The following PIAS1 variants were observed in gnomAD, a reference collection of about 807,000 sequenced individuals.
The protein encoded by PIAS1 is protein inhibitor of activated STAT 1, also known as E3 SUMO-protein ligase PIAS1.
A neutral mutation model predicts 71.3 loss-of-function variants in PIAS1; 6 were observed. The observed-to-expected ratio is 0.08, with a 90% CI of 0.05 to 0.17. The LOEUF is 0.17. PIAS1 is among the 10% of genes least tolerant of loss of function. The pLI, the probability that PIAS1 is intolerant of heterozygous loss-of-function variation, is 1.00. For synonymous variants in PIAS1, 303 were observed against 292.9 expected, an observed-to-expected ratio of 1.03 and a Z score of -0.35; for missense variants, 555 against 793.6, an observed-to-expected ratio of 0.70 and a Z score of 3.61.
At chr15:68,151,381 T>C (rs1378050893) in intron 6 of PIAS1, among the ~76,000 whole-genome samples, 2 of 152,100 alleles carry the variant, frequency 1.3e-5, no homozygotes, top group African/African-American at 2.4e-5. Flanking sequence ...TAAATATTTA[T>C]ATAAAGCCTT....
chr15:68,127,381 T>A (rs2092658292), intron 2 of PIAS1, among the ~76,000 whole-genome samples: 1 of 152,196 alleles, frequency 6.6e-6, no homozygotes. Flanking sequence ...TCTGATAACT[T>A]CATAAGCAGG....
intron 2 of PIAS1, among the ~76,000 whole-genome samples, chr15:68,110,154 C>T (rs760253430): frequency 2.6e-5 from 4 of 151,788 alleles, no homozygotes; most frequent in East Asian, 3.9e-4. Flanking sequence ...TTGGTATGTC[C>T]GCTAAGAATT....
At position 68,178,102 on chromosome 15, in the gene PIAS1, C is replaced by T. The variant is rs1312945438; in HGVS notation, c.1481+1448C>T. Among the ~76,000 whole-genome samples, 1 of 152,126 alleles carries T rather than the reference C, an allele frequency of 6.6e-6. No homozygotes were observed. The highest frequency in any genetic ancestry group is 1.9e-4 in the East Asian group (1 of 5,190). ...GACCAGCCTGGGCAACATGGTAAAA[C>T]CCTGTCTCTACCAAAAAATTAGCTG... On this transcript the variant is annotated intron_variant, in intron 11 of 13. Transcript: ENST00000249636. This position sits in a 1 kb window ranked among gnomAD's most constrained non-coding sequence, Gnocchi z 4.2.
chr15:68,098,969 C>G (rs937011942), intron 2 of PIAS1, among the ~76,000 whole-genome samples: 1 of 152,040 alleles, frequency 6.6e-6, no homozygotes, highest in Non-Finnish European at 1.5e-5. Context: ...GGTGTGTTTG[C>G]TAATTTATAA....
intron 2 of PIAS1, among the ~76,000 whole-genome samples, chr15:68,117,950 A>C (rs564570698): frequency 2.0e-5 from 3 of 152,334 alleles, no homozygotes; most frequent in African/African-American, 7.2e-5. Flanking sequence ...TAATGACTGT[A>C]CTAATTAACA....
chr15:68,123,603 A>G (rs1238635994), intron 2 of PIAS1, among the ~76,000 whole-genome samples: 1 of 152,170 alleles, frequency 6.6e-6, no homozygotes, highest in African/African-American at 2.4e-5. Context: ...ATGGAATACC[A>G]TGGAGACTAT....
intron 1 of PIAS1, among the ~76,000 whole-genome samples, chr15:68,074,616 T>C (rs2092137471): frequency 6.6e-6 from 1 of 152,240 alleles, no homozygotes; most frequent in East Asian, 1.9e-4. Flanking sequence ...ATAAACCTCA[T>C]ATTTTATTTC....
intron 2 of PIAS1, among the ~76,000 whole-genome samples, chr15:68,100,382 C>G (rs1306168900): frequency 1.3e-5 from 2 of 152,162 alleles, no homozygotes; most frequent in African/African-American, 4.8e-5. Flanking sequence ...TCCTGTCACC[C>G]ACAAGACTCC....
rs2141119845 is a variant in PIAS1 at position 68,193,368 on chromosome 15, C to CA, written c.*5534dup. The stretch of plus-strand genomic sequence containing the variant: ...GCATGTGTTTTCACTCTAGTGTTTT[C>CA]ACTCTACACTCTGTGTTTATGAATG... On this transcript the variant is annotated 3_prime_UTR_variant, in exon 14 of 14. Transcript: ENST00000249636. 6.6e-6 allele frequency: 1 copy of CA among 152,214 alleles called. No individual in the cohort carries two copies. The highest frequency in any genetic ancestry group is 2.1e-4 in the South Asian group (1 of 4,820). 9.4% of individuals were successfully genotyped at this position (152,214 alleles called of 1,614,324 possible). A position where few individuals can be genotyped will look rare whatever the true frequency, so the allele number is the denominator to read the frequency against.
intron 8 of PIAS1, among the ~76,000 whole-genome samples, chr15:68,165,787 A>G (rs2092953828): frequency 1.3e-5 from 2 of 152,268 alleles, no homozygotes; most frequent in South Asian, 4.1e-4. Context: ...TTAATAATTA[A>G]TTACCTTGAC....
At chr15:68,147,005 C>A (rs1303359034) in intron 6 of PIAS1, among the ~76,000 whole-genome samples, 1 of 152,082 alleles carries the variant, frequency 6.6e-6, no homozygotes, top group African/African-American at 2.4e-5. Context: ...TTTGCCTGTT[C>A]CCTACTATTG....
intron 2 of PIAS1, among the ~76,000 whole-genome samples, chr15:68,125,588 G>A (rs775142223): frequency 2.6e-5 from 4 of 152,178 alleles, no homozygotes; most frequent in Non-Finnish European, 5.9e-5. Flanking sequence ...TTGGCTGGGT[G>A]TAGACTTCAA....
At chr15:68,089,851 C>T (rs566354433) in intron 2 of PIAS1, among the ~76,000 whole-genome samples, 102 of 151,722 alleles carry the variant, frequency 6.7e-4, no homozygotes, top group African/African-American at 2.3e-3. Context: ...CCACTGCACC[C>T]GGCCTCATAA....
At position 68,102,685 on chromosome 15, in the gene PIAS1, A is replaced by G. The variant is rs4566143; in HGVS notation, c.469+15935A>G. Among the ~76,000 whole-genome samples, 725 of 152,116 alleles carry G rather than the reference A, an allele frequency of 4.8e-3. 6 individuals carry two copies. The highest frequency in any genetic ancestry group is 0.016 in the African/African-American group (668 of 41,514). ...TGTTTTGTTAGACCTGTACTTAAAT[A>G]TTTTGTTTTTTTCTGAGTGATTATA... is the stretch of plus-strand genomic sequence containing the variant. On this transcript the variant is annotated intron_variant, in intron 2 of 13. Transcript: ENST00000249636.
intron 6 of PIAS1, 37 bp downstream of exon 6, chr15:68,146,737 A>G: frequency 6.5e-7 from 1 of 1,533,054 alleles, no homozygotes; most frequent in Non-Finnish European, 9.0e-7. Context: ...TTTTTGTATT[A>G]TAAGGAGGGG....
chr15:68,086,619 T>G lies in PIAS1; in HGVS notation c.338T>G (p.Leu113Arg). Residue 113 changes from leucine (L) to arginine (R), a missense_variant, in exon 2 of 14, where the codon CTT becomes CGT. Around this residue, in one of 5 missense-constraint regions of PIAS1, gnomAD observed 80 missense variants for 66.9 expected, o/e 1.20. Transcript: ENST00000249636. This position sits in a 1 kb window ranked among gnomAD's most constrained non-coding sequence, Gnocchi z 7.2. Reference protein sequence around the residue: ...PASSPLLPVSLLGPKHELELP... With the variant: ...PASSPLLPVSRLGPKHELELP... ...TCATCGCCATTACTCCCTGTTTCTC[T>G]TCTGGGACCTAAACATGAACTGGAA... 6.2e-7 allele frequency: 1 copy of G among 1,613,528 alleles called. No homozygotes were observed. Among genetic ancestry groups the G allele is most frequent in the Non-Finnish European group, 8.5e-7 (1 of 1,179,470 alleles).
Position 68,054,545 on chromosome 15 carries a change from G to T in PIAS1, c.24+195G>T. On this transcript the variant is annotated intron_variant, in intron 1 of 13. Coordinates refer to ENST00000249636, the MANE Select transcript of PIAS1 (RefSeq NM_016166.3). This position sits in a 1 kb window ranked among gnomAD's most constrained non-coding sequence, Gnocchi z 4.6. ...CGGGCCGCGGGCCCCGGGTGCCTCG[G>T]GGGCGCTGACGGGTCGTCCCCGGCG... 1 of 522,876 alleles carries T rather than the reference G, an allele frequency of 1.9e-6. No homozygotes were observed. The allele number at this position is 522,876 out of a possible 1,614,324, so 32.4% of individuals were successfully genotyped here.
At chr15:68,148,359 T>C (rs768755602) in intron 6 of PIAS1, among the ~76,000 whole-genome samples, 6 of 152,138 alleles carry the variant, frequency 3.9e-5, no homozygotes, top group Non-Finnish European at 8.8e-5. Context: ...GTATATGAGA[T>C]GTGGCTAGAG....
intron 1 of PIAS1, among the ~76,000 whole-genome samples, chr15:68,080,298 A>T (rs1173365440): frequency 6.6e-6 from 1 of 152,252 alleles, no homozygotes; most frequent in African/African-American, 2.4e-5. Flanking sequence ...TGTTTAAAGA[A>T]GAATGGGATC....
Sources: allele counts gnomAD v4.1 joint callset (sites outside exome capture counted in the v4.1 genomes callset), GRCh38; gene constraint gnomAD v4.1.1; regional missense constraint gnomAD v4.1.1; non-coding constraint Gnocchi (gnomAD v3.1); transcripts MANE v1.5; gene names NCBI Gene and HGNC (gene_info 2026-07-23, HGNC 2026-07-21).